Variants in TACC1 observed in about 807,000 individuals in gnomAD.
The protein encoded by TACC1 is transforming acidic coiled-coil containing protein 1.
A neutral mutation model predicts 84.4 loss-of-function variants in TACC1; 48 were observed. The ratio of observed to expected loss-of-function variants is 0.57; its 90% CI spans 0.45 to 0.72. The LOEUF (loss-of-function observed/expected upper bound fraction) is 0.72. TACC1 is among the 30% of genes least tolerant of loss of function. The probability of loss-of-function intolerance (pLI) is 0.00; values close to 1 mark genes in which losing one functional copy is unlikely to be tolerated. For missense variants in TACC1, 920 were observed against 973.0 expected (o/e 0.95, Z 0.72); for synonymous variants, 372 against 376.3 (o/e 0.99, Z 0.13).
intron 11 of TACC1, 103 bp downstream of exon 11, chr8:38,843,498 G>C (rs912406345): frequency 3.9e-6 from 3 of 763,594 alleles, no homozygotes; most frequent in Non-Finnish European, 6.1e-6. Context: ...GTATTTTTAT[G>C]TGTGTGTTTA....
chr8:38,788,116 C>T, intron 1 of TACC1: 1 of 217,584 alleles, frequency 4.6e-6, no homozygotes, highest in Non-Finnish European at 9.1e-6. Flanking sequence ...AGTCGCTCCC[C>T]GGCCCTTCCC....
At chr8:38,755,053 G>A (rs144626864) in intron 3 of TACC1, among the ~76,000 whole-genome samples, 1,623 of 151,960 alleles carry the variant, frequency 0.011, 34 homozygotes, top group African/African-American at 0.037. Flanking sequence ...ACAGCTACTC[G>A]GGAGGCTGAG....
intron 3 of TACC1, among the ~76,000 whole-genome samples, chr8:38,822,477 A>G (rs1223109536): frequency 6.6e-6 from 1 of 152,184 alleles, no homozygotes; most frequent in African/African-American, 2.4e-5. Context: ...ATTACTGTAC[A>G]CTACTGTAGC....
In TACC1 at chr8:38,848,033, CCT is replaced by C. The variant is rs565525796; in HGVS notation, c.*11_*12del. The C allele has an allele frequency of 6.4e-4, 1,024 of 1,612,240 alleles. 5 individuals are homozygous for C. The highest frequency in any genetic ancestry group is 2.8e-3 in the South Asian group (256 of 90,828). ...GGGAAAGACTGACTGAGACACTCCC[CCT>C]GTTAGCTCAACAGATCTGCATTTGG... is the stretch of plus-strand genomic sequence containing the variant. On this transcript the variant is annotated 3_prime_UTR_variant, in exon 13 of 13. Coordinates refer to ENST00000317827, the MANE Select transcript of TACC1 (RefSeq NM_006283.3).
At chr8:38,779,509 T>C (rs999359248) in intron 3 of TACC1, among the ~76,000 whole-genome samples, 1 of 152,262 alleles carries the variant, frequency 6.6e-6, no homozygotes, top group African/African-American at 2.4e-5. Context: ...GGCTGTTTTC[T>C]ACACTAACTT....
intron 1 of TACC1, among the ~76,000 whole-genome samples, chr8:38,735,733 G>T (rs375091063): frequency 6.6e-6 from 1 of 152,150 alleles, no homozygotes; most frequent in African/African-American, 2.4e-5. Context: ...CTTTGTAAAT[G>T]GTCCCTTTAT....
At chr8:38,749,368 A>G (rs560205865) in intron 3 of TACC1, among the ~76,000 whole-genome samples, 54 of 152,288 alleles carry the variant, frequency 3.5e-4, no homozygotes, top group Non-Finnish European at 7.1e-4. Context: ...ATCCTACAAA[A>G]ACTGTTTAAG....
intron 3 of TACC1, among the ~76,000 whole-genome samples, chr8:38,772,644 C>T (rs1344751967): frequency 6.6e-6 from 1 of 151,968 alleles, no homozygotes; most frequent in Non-Finnish European, 1.5e-5. Flanking sequence ...GGGAGCAGCA[C>T]CTTATGAAGA....
chr8:38,752,499 C>A (rs1809228555), intron 3 of TACC1, among the ~76,000 whole-genome samples: 1 of 151,804 alleles, frequency 6.6e-6, no homozygotes. Context: ...AAAACAAAAC[C>A]CCAAAAACCC....
chr8:38,742,334 A>T, intron 1 of TACC1: 1 of 1,200,920 alleles, frequency 8.3e-7, no homozygotes, highest in Non-Finnish European at 1.1e-6. Flanking sequence ...CTCCCACCTG[A>T]CTTAATTCTC....
intron 2 of TACC1, among the ~76,000 whole-genome samples, chr8:38,819,008 C>G (rs1403141675): frequency 6.6e-6 from 1 of 152,124 alleles, no homozygotes; most frequent in Non-Finnish European, 1.5e-5. Context: ...AATCTCTTGA[C>G]CTCATGATGT....
In TACC1 at chr8:38,779,238, G is replaced by A. The variant is rs533025858; in HGVS notation, c.27-9466G>A. ...TATCCTCCTGCCTCAGCCTCCAAAA[G>A]TGCTGGGATTATAGGAAGATGCCAC... On this transcript the variant is annotated intron_variant, in intron 3 of 14. Coordinates refer to the TACC1 transcript ENST00000518415. 5.3e-5 allele frequency among the ~76,000 whole-genome samples: 8 copies of A among 152,286 alleles called. No homozygotes were observed. In the East Asian group the frequency reaches 9.6e-4, roughly 18 times the overall value.
At chr8:38,835,860 C>G (rs974111416) in intron 6 of TACC1, among the ~76,000 whole-genome samples, 2 of 152,204 alleles carry the variant, frequency 1.3e-5, no homozygotes, top group African/African-American at 2.4e-5. Flanking sequence ...TCTCTTTTAT[C>G]CATGTGGTTC....
intron 1 of TACC1, among the ~76,000 whole-genome samples, chr8:38,735,026 G>A (rs962176316): frequency 1.3e-5 from 2 of 152,228 alleles, no homozygotes; most frequent in African/African-American, 4.8e-5. Context: ...GGCACCACAC[G>A]TGCTTGTTCA....
chr8:38,789,270 G>A (rs1818074428), intron 2 of TACC1, among the ~76,000 whole-genome samples: 1 of 152,198 alleles, frequency 6.6e-6, no homozygotes, highest in East Asian at 1.9e-4. Context: ...ATGCAGGGAT[G>A]TGGTGAGAGC....
Position 38,787,462 on chromosome 8 carries a change from C to G in TACC1, c.-121C>G, listed in dbSNP as rs1302346716. The G allele has an allele frequency of 7.2e-7, 1 of 1,389,744 alleles. No homozygotes were observed. The highest frequency in any genetic ancestry group is 9.3e-7 in the Non-Finnish European group (1 of 1,078,368). 86.1% of individuals were successfully genotyped at this position (1,389,744 alleles called of 1,614,324 possible). On this transcript the variant is annotated 5_prime_UTR_variant, in exon 1 of 13. Transcript: ENST00000317827. Reference sequence around the variant, plus strand: ...CCGACGGCACTCGTTTAACCACATCCGCGCCTCTGCTGGAAACGCTTGCTG... The same window carrying G: ...CCGACGGCACTCGTTTAACCACATCGGCGCCTCTGCTGGAAACGCTTGCTG...
chr8:38,783,446 G>A (rs1816541982), upstream of TACC1, among the ~76,000 whole-genome samples: 1 of 150,570 alleles, frequency 6.6e-6, no homozygotes, highest in Non-Finnish European at 1.5e-5. Flanking sequence ...TTTTGAGATG[G>A]AGTCTCACTC....
rs946912097 is a variant in TACC1 at position 38,852,013 on chromosome 8, G to T, written c.*3990G>T. ...TGAGTCTCCATAGAGTAACAGTAAA[G>T]AAACTGATGTAACAGACTCTCCTCT... On this transcript the variant is annotated 3_prime_UTR_variant, in exon 13 of 13. Coordinates refer to ENST00000317827, the MANE Select transcript of TACC1 (RefSeq NM_006283.3). The T allele has an allele frequency of 2.4e-5, 11 of 455,464 alleles. No homozygotes were observed. Among genetic ancestry groups the T allele is most frequent in the Non-Finnish European group, 4.9e-5 (11 of 226,536 alleles). The allele number at this position is 455,464 out of a possible 1,614,324, so 28.2% of individuals were successfully genotyped here.
intron 9 of TACC1, among the ~76,000 whole-genome samples, chr8:38,841,745 C>G (rs1325594563): frequency 6.6e-6 from 1 of 152,142 alleles, no homozygotes; most frequent in Non-Finnish European, 1.5e-5. Flanking sequence ...GGTTCTTACT[C>G]TAGTGCAGAT....
Sources: allele counts gnomAD v4.1 joint callset (sites outside exome capture counted in the v4.1 genomes callset), GRCh38; gene constraint gnomAD v4.1.1; transcripts MANE v1.5; gene names NCBI Gene and HGNC (gene_info 2026-07-23, HGNC 2026-07-21).